NLGN1: variants seen among roughly 807,000 people sequenced by gnomAD.
NLGN1 encodes neuroligin 1, also known as neuroligin-1.
Under a neutral mutation model 65.5 loss-of-function variants are expected in NLGN1, and 12 were observed. That is an observed-to-expected ratio of 0.18 (90% CI 0.12 to 0.30). The LOEUF (loss-of-function observed/expected upper bound fraction) is 0.30. NLGN1 is among the 10% of genes least tolerant of loss of function. The pLI is 1.00. For missense variants in NLGN1, 750 were observed against 1,007.1 expected, an observed-to-expected ratio of 0.74 and a Z score of 3.46; for synonymous variants, 350 against 359.5, an observed-to-expected ratio of 0.97 and a Z score of 0.30.
intron 2 of NLGN1, among the ~76,000 whole-genome samples, chr3:173,464,551 T>G (rs1262875346): frequency 6.6e-6 from 1 of 151,780 alleles, no homozygotes; most frequent in Non-Finnish European, 1.5e-5. Context: ...TTCTCCTGCC[T>G]TGGCCTCCCA....
chr3:173,610,055 T>C (rs1026392434), intron 3 of NLGN1, among the ~76,000 whole-genome samples: 1 of 151,768 alleles, frequency 6.6e-6, no homozygotes, highest in African/African-American at 2.4e-5. Flanking sequence ...GAGTAGGTTG[T>C]AGGAGAGCAT....
chr3:173,698,470 G>A (rs960345588), intron 3 of NLGN1, among the ~76,000 whole-genome samples: 8 of 152,076 alleles, frequency 5.3e-5, no homozygotes, highest in African/African-American at 1.9e-4. Flanking sequence ...TCTACTAGTG[G>A]AACAACCGTA....
chr3:173,863,869 A>AT (rs1326142260), intron 4 of NLGN1, among the ~76,000 whole-genome samples: 1 of 152,202 alleles, frequency 6.6e-6, no homozygotes, highest in Non-Finnish European at 1.5e-5. Context: ...ATTGGCCATC[A>AT]TTGAGCTTTC....
intron 4 of NLGN1, among the ~76,000 whole-genome samples, chr3:173,975,223 T>C (rs1466297450): frequency 6.6e-6 from 1 of 151,962 alleles, no homozygotes; most frequent in Non-Finnish European, 1.5e-5. Context: ...TATCACCAAT[T>C]TGGGGCTTCA....
intron 4 of NLGN1, among the ~76,000 whole-genome samples, chr3:174,140,600 A>T (rs1185414733): frequency 6.6e-6 from 1 of 152,140 alleles, no homozygotes; most frequent in East Asian, 1.9e-4. Flanking sequence ...GTAGTGTCCA[A>T]ATCCAAGCAA....
chr3:174,027,734 T>C (rs1297211954), intron 4 of NLGN1, among the ~76,000 whole-genome samples: 1 of 152,170 alleles, frequency 6.6e-6, no homozygotes, highest in Admixed American at 6.5e-5. Context: ...TTTTATAGCT[T>C]TATAAATTAT....
intron 3 of NLGN1, among the ~76,000 whole-genome samples, chr3:173,638,910 G>C (rs1481515782): frequency 6.6e-6 from 1 of 152,114 alleles, no homozygotes; most frequent in Non-Finnish European, 1.5e-5. Flanking sequence ...GTATAGGAAG[G>C]TAGTGAATAA....
At chr3:173,908,197 G>A (rs1738847526) in intron 4 of NLGN1, among the ~76,000 whole-genome samples, 1 of 152,130 alleles carries the variant, frequency 6.6e-6, no homozygotes, top group African/African-American at 2.4e-5. Flanking sequence ...GTAATACCTA[G>A]GCTAGTTTGA....
chr3:173,621,812 T>G (rs1390648997), intron 3 of NLGN1, among the ~76,000 whole-genome samples: 1 of 152,114 alleles, frequency 6.6e-6, no homozygotes, highest in East Asian at 1.9e-4. Flanking sequence ...ATGCTGTTAA[T>G]AAATCCTATT....
At chr3:173,751,903 G>T (rs1188379010) in intron 3 of NLGN1, among the ~76,000 whole-genome samples, 1 of 152,048 alleles carries the variant, frequency 6.6e-6, no homozygotes, top group African/African-American at 2.4e-5. Context: ...TAATTAGCTT[G>T]ACTCAATTGA....
chr3:174,115,683 A>G (rs1030687322), intron 4 of NLGN1, among the ~76,000 whole-genome samples: 1 of 152,154 alleles, frequency 6.6e-6, no homozygotes, highest in African/African-American at 2.4e-5. Context: ...CTATGTAGAG[A>G]TAAAGGGAGC....
At chr3:173,449,511 G>T (rs1337358516) in intron 2 of NLGN1, among the ~76,000 whole-genome samples, 1 of 151,536 alleles carries the variant, frequency 6.6e-6, no homozygotes, top group Admixed American at 6.6e-5. Context: ...AATAGGTGTG[G>T]TGTGGTGCTG....
rs576260443 is a variant in NLGN1, at chr3:174,153,689, G to A, written c.647-121626G>A. On this transcript the variant is annotated intron_variant, in intron 4 of 6. Coordinates refer to ENST00000457714, the Ensembl canonical transcript of NLGN1. Reference sequence around the variant, plus strand: ...TTTTTTCAAAAATCAGCTACATATTGAGCTCTGAAGATTCTGAAATTGGCC... The same window carrying A: ...TTTTTTCAAAAATCAGCTACATATTAAGCTCTGAAGATTCTGAAATTGGCC... Among the ~76,000 whole-genome samples, 62 of 152,042 alleles carry A rather than the reference G, an allele frequency of 4.1e-4. No homozygotes were observed. In the South Asian group the frequency reaches 0.012, roughly 30 times the overall value.
At chr3:174,253,424 A>G (rs1324173272) in intron 4 of NLGN1, among the ~76,000 whole-genome samples, 1 of 152,120 alleles carries the variant, frequency 6.6e-6, no homozygotes, top group Non-Finnish European at 1.5e-5. Context: ...AGCTTGTAAT[A>G]TCAGTCTCTG....
chr3:173,471,234 C>T (rs905728464), intron 2 of NLGN1, among the ~76,000 whole-genome samples: 1 of 152,004 alleles, frequency 6.6e-6, no homozygotes, highest in African/African-American at 2.4e-5. Context: ...GCTGCTGTAA[C>T]AAAGTACAAC....
Position 174,053,329 on chromosome 3 carries a change from T to G in NLGN1, c.647-221986T>G, listed in dbSNP as rs148630333. The stretch of plus-strand genomic sequence containing the variant: ...ACAATAAAAAGTATTCTGTAAACTG[T>G]AGGACAACAGAAAAATGGCCATAAT... On this transcript the variant is annotated intron_variant, in intron 4 of 6. Transcript: ENST00000457714. 3.1e-3 allele frequency among the ~76,000 whole-genome samples: 469 copies of G among 152,096 alleles called. 3 individuals are homozygous for G. Among genetic ancestry groups the G allele is most frequent in the African/African-American group, 0.011 (449 of 41,544 alleles).
chr3:174,043,259 C>T (rs903055073), intron 4 of NLGN1, among the ~76,000 whole-genome samples: 4 of 152,196 alleles, frequency 2.6e-5, no homozygotes, highest in African/African-American at 9.6e-5. Flanking sequence ...AGCCCCTGGC[C>T]CCTTCCAGAT....
chr3:173,581,102 T>G (rs1746324974), intron 2 of NLGN1, among the ~76,000 whole-genome samples: 1 of 152,074 alleles, frequency 6.6e-6, no homozygotes, highest in Non-Finnish European at 1.5e-5. Context: ...AAATCTGTTT[T>G]GGTTATTTCC....
At position 174,279,027 on chromosome 3, in the gene NLGN1, T is replaced by A. The variant is rs1297533352; in HGVS notation, c.1026T>A (p.Leu342=). 3.7e-6 allele frequency: 6 copies of A among 1,606,316 alleles called. No individual in the cohort carries two copies. Among genetic ancestry groups the A allele is most frequent in the Non-Finnish European group, 5.1e-6 (6 of 1,176,512 alleles). Reference sequence around the variant, plus strand: ...TACAGAAGAAGCCTTACAAAGAACTTGTTGACCAAGATATTCAACCAGCTC... The same window carrying A: ...TACAGAAGAAGCCTTACAAAGAACTAGTTGACCAAGATATTCAACCAGCTC... Residue 342 remains leucine, a synonymous_variant, in exon 6 of 7, where the codon CTT becomes CTA. Transcript: ENST00000457714. This position sits in a 1 kb window ranked among gnomAD's most constrained non-coding sequence, Gnocchi z 4.7.
Sources: allele counts gnomAD v4.1 joint callset (sites outside exome capture counted in the v4.1 genomes callset), GRCh38; gene constraint gnomAD v4.1.1; non-coding constraint Gnocchi (gnomAD v3.1); transcripts MANE v1.5; gene names NCBI Gene and HGNC (gene_info 2026-07-23, HGNC 2026-07-21).